Variants in THNSL1 observed in about 807,000 individuals in gnomAD.
The protein encoded by THNSL1 is threonine synthase like 1, also known as threonine synthase-like 1.
A neutral mutation model predicts 50.4 loss-of-function variants in THNSL1; 48 were observed. The ratio of observed to expected loss-of-function variants is 0.95; its 90% confidence interval spans 0.76 to 1.21. The LOEUF is 1.21. Ranked by LOEUF, THNSL1 falls within the 50% of genes most tolerant of loss-of-function variation. The pLI is 0.00. For synonymous variants in THNSL1, 309 were observed against 306.1 expected (o/e 1.01, Z -0.10); for missense variants, 896 against 871.7 (o/e 1.03, Z -0.35).
the THNSL1 span, among the ~76,000 whole-genome samples, chr10:24,962,374 T>C: frequency 6.6e-6 from 1 of 152,190 alleles, no homozygotes; most frequent in Non-Finnish European, 1.5e-5. Context: ...AAGAAAATAT[T>C]AGTCTGATTT....
chr10:24,952,545 A>ACGT, the THNSL1 span: 1 of 1,591,226 alleles, frequency 6.3e-7, no homozygotes, highest in Non-Finnish European at 8.6e-7. The surrounding 1 kb of genome is among the most constrained non-coding windows in gnomAD (Gnocchi z 5.1). Context: ...CCTCGCCCGT[A>ACGT]GTCTGGCGCC....
At chr10:24,975,430 T>G in the THNSL1 span, among the ~76,000 whole-genome samples, 1 of 152,158 alleles carries the variant, frequency 6.6e-6, no homozygotes, top group Non-Finnish European at 1.5e-5. Context: ...GATAGCAAAC[T>G]GTGGTTATGT....
In THNSL1 at chr10:25,024,471, A is replaced by G; in HGVS notation, c.1248A>G (p.Gln416=). ...CTGAGAATGGAGTAAGTGATTTTCAAAAAGCACAAATAATTGGCAGTCAGA... is the reference window on the plus strand; with the variant it reads ...CTGAGAATGGAGTAAGTGATTTTCAGAAAGCACAAATAATTGGCAGTCAGA... ...FFPENGVSDF[Q]KAQIIGSQRE... Residue 416 remains glutamine (Q), a synonymous_variant, in exon 3 of 3, where the codon CAA becomes CAG. Transcript: ENST00000376356. The G allele has an allele frequency of 6.2e-7, 1 of 1,614,218 alleles. No homozygotes were observed. The highest frequency in any genetic ancestry group is 2.2e-5 in the East Asian group (1 of 44,890).
the THNSL1 span, among the ~76,000 whole-genome samples, chr10:24,988,664 GTATATATATATA>G: frequency 7.7e-4 from 76 of 98,806 alleles, no homozygotes; most frequent in African/African-American, 1.5e-3. Context: ...CACAGCATAT[GTATATATATATA>G]TATATATATA....
At chr10:25,022,170 AACTTG>A (rs1850731958) in intron 2 of THNSL1, among the ~76,000 whole-genome samples, 1 of 152,218 alleles carries the variant, frequency 6.6e-6, no homozygotes, top group Non-Finnish European at 1.5e-5. Context: ...CGTAACTAAA[AACTTG>A]ACTTGTCTGG....
intron 1 of THNSL1, among the ~76,000 whole-genome samples, chr10:25,017,016 T>TCGCCCTCC (rs1388216956): frequency 6.6e-6 from 1 of 152,124 alleles, no homozygotes; most frequent in South Asian, 2.1e-4. Context: ...CCTGCTGCGC[T>TCGCCCTCC]CGCCCTCCCG....
At chr10:25,001,561 A>G in the THNSL1 span, among the ~76,000 whole-genome samples, 1 of 151,128 alleles carries the variant, frequency 6.6e-6, no homozygotes, top group East Asian at 1.9e-4. Flanking sequence ...TTTTCAGTCT[A>G]TTTTTTCTCT....
the THNSL1 span, among the ~76,000 whole-genome samples, chr10:25,006,911 T>A: frequency 6.6e-6 from 1 of 152,332 alleles, no homozygotes; most frequent in East Asian, 1.9e-4. Context: ...GGGATAATAC[T>A]ACTTATCCCA....
At chr10:24,964,243 A>T in the THNSL1 span, among the ~76,000 whole-genome samples, 1 of 152,208 alleles carries the variant, frequency 6.6e-6, no homozygotes, top group Non-Finnish European at 1.5e-5. Flanking sequence ...ACTGCCCTAG[A>T]GTAACAGCCT....
At chr10:25,020,238 ATATATCTATATCTATATC>A (rs1554772119) in intron 1 of THNSL1, among the ~76,000 whole-genome samples, 46 of 126,634 alleles carry the variant, frequency 3.6e-4, no homozygotes, top group African/African-American at 1.1e-3. Context: ...TTTCTTTAAA[ATATATCTATATCTATATC>A]TATATCTATA....
At chr10:24,971,305 A>G in the THNSL1 span, among the ~76,000 whole-genome samples, 1 of 152,066 alleles carries the variant, frequency 6.6e-6, no homozygotes, top group South Asian at 2.1e-4. Flanking sequence ...GGTTGCCACT[A>G]TGTTACACAG....
the THNSL1 span, among the ~76,000 whole-genome samples, chr10:24,967,828 ATGTG>A: frequency 6.6e-6 from 1 of 150,546 alleles, no homozygotes; most frequent in Non-Finnish European, 1.5e-5. Context: ...CATGTATATG[ATGTG>A]TGTATGTCTG....
At chr10:24,976,116 T>C in the THNSL1 span, among the ~76,000 whole-genome samples, 3 of 152,156 alleles carry the variant, frequency 2.0e-5, no homozygotes, top group Non-Finnish European at 4.4e-5. Context: ...ACTCAGAATA[T>C]TGTGGTGGGT....
rs1850784337 is a variant in THNSL1, at chr10:25,024,083, C to T, written c.860C>T (p.Thr287Ile). ...GAGTGGAAAAGCCTAGTAGGAGCAA[C>T]CTACGTAGAAAGAGCACAGATACTG... ...CGEWKSLVGA[T>I]YVERAQILLE... Residue 287 changes from threonine (T) to isoleucine (I), a missense_variant, in exon 3 of 3, where the codon ACC (threonine) becomes ATC (isoleucine). Transcript: ENST00000376356. 5 of 1,614,006 alleles carry T rather than the reference C, an allele frequency of 3.1e-6. No homozygotes were observed. The African/African-American group carries it at 5.3e-5, about 17-fold the overall frequency.
chr10:24,993,771 A>G, the THNSL1 span, among the ~76,000 whole-genome samples: 2 of 152,226 alleles, frequency 1.3e-5, no homozygotes, highest in Non-Finnish European at 2.9e-5. Flanking sequence ...TTCTGTTTCC[A>G]TGATGGATAC....
chr10:24,999,293 G>A, the THNSL1 span: 24 of 1,091,922 alleles, frequency 2.2e-5, no homozygotes, highest in Non-Finnish European at 2.5e-5. Context: ...TTAATATGAG[G>A]TAAAGCTGCT....
the THNSL1 span, among the ~76,000 whole-genome samples, chr10:24,976,369 A>C: frequency 6.6e-6 from 1 of 152,230 alleles, no homozygotes; most frequent in Non-Finnish European, 1.5e-5. Flanking sequence ...AACCCAATGC[A>C]GACCTCACCA....
At chr10:24,977,555 G>A in the THNSL1 span, among the ~76,000 whole-genome samples, 3 of 152,074 alleles carry the variant, frequency 2.0e-5, no homozygotes, top group Admixed American at 6.6e-5. Flanking sequence ...ATAGGGTACT[G>A]GTGAAGTTTA....
chr10:25,021,421 T>C (rs867037344), intron 1 of THNSL1, among the ~76,000 whole-genome samples: 10 of 152,212 alleles, frequency 6.6e-5, no homozygotes, highest in Admixed American at 2.6e-4. Flanking sequence ...TTTTCCCCTC[T>C]GATCATTATA....
Sources: gnomAD v4.1 joint callset for allele counts (sites outside exome capture counted in the v4.1 genomes callset) on GRCh38, gnomAD v4.1.1 for gene constraint, Gnocchi (gnomAD v3.1) non-coding constraint, MANE v1.5 for transcripts, NCBI Gene and HGNC (gene_info 2026-07-23, HGNC 2026-07-21) for gene names.